Variants in OSBPL1A observed in about 807,000 individuals in gnomAD.
OSBPL1A encodes the protein oxysterol-binding protein-related protein 1.
Under a neutral mutation model 137.1 loss-of-function variants are expected in OSBPL1A, and 80 were observed. That is an observed-to-expected ratio of 0.58 (90% CI 0.49 to 0.70). The LOEUF is 0.70. Among genes scored for constraint, OSBPL1A ranks in the 30% least tolerant of loss-of-function variants. The pLI is 0.00. For synonymous variants in OSBPL1A, 365 were observed against 389.7 expected (o/e 0.94, Z 0.75); for missense variants, 970 against 1,129.4 (o/e 0.86, Z 2.02).
intron 23 of OSBPL1A, among the ~76,000 whole-genome samples, chr18:24,171,048 T>G (rs1267189019): frequency 6.6e-6 from 1 of 151,954 alleles, no homozygotes; most frequent in East Asian, 1.9e-4. Context: ...TTTTGTTTTT[T>G]TTTTTTTAGA....
At chr18:24,272,945 G>A (rs1376908219) in intron 15 of OSBPL1A, among the ~76,000 whole-genome samples, 3 of 151,878 alleles carry the variant, frequency 2.0e-5, no homozygotes, top group Admixed American at 1.3e-4. Flanking sequence ...TTGCTCTGTC[G>A]CCCAGGCTGG....
chr18:24,202,529 C>T (rs1017631560), intron 17 of OSBPL1A, among the ~76,000 whole-genome samples: 6 of 152,214 alleles, frequency 3.9e-5, no homozygotes, highest in African/African-American at 1.4e-4. Context: ...TATCCCAAGT[C>T]TAACATTGGT....
intron 15 of OSBPL1A, among the ~76,000 whole-genome samples, chr18:24,279,442 T>C (rs1251091976): frequency 6.6e-6 from 1 of 151,688 alleles, no homozygotes; most frequent in African/African-American, 2.4e-5. Flanking sequence ...AAAAAAATTG[T>C]ATATGAATTC....
rs1236865402 is a variant in OSBPL1A, at chr18:24,341,650, T to C, written c.291A>G (p.Val97=). The C allele has an allele frequency of 1.3e-6, 2 of 1,589,844 alleles. No individual in the cohort carries two copies. The highest frequency in any genetic ancestry group is 1.7e-4 in the Middle Eastern group (1 of 6,032). The part of the protein sequence containing the change: ...RAAFTGRKEL[V]MLLLEYNADT... ...CAGCATTATATTCTAAGAGAAGCAT[T>C]ACCAACTCCTAAAAATCAGAGAATT... is the stretch of plus-strand genomic sequence containing the variant. The change falls in exon 5 of 28, where the codon GTA becomes GTG. Residue 97 remains valine (V), a synonymous_variant. Coordinates refer to ENST00000319481, the MANE Select transcript of OSBPL1A (RefSeq NM_080597.4).
At chr18:24,254,045 C>G (rs1567978337) in intron 15 of OSBPL1A, among the ~76,000 whole-genome samples, 1 of 152,124 alleles carries the variant, frequency 6.6e-6, no homozygotes, top group Non-Finnish European at 1.5e-5. Context: ...CTGACCTATG[C>G]CCAGGAATGA....
At chr18:24,384,810 G>A (rs931852274) in intron 1 of OSBPL1A, among the ~76,000 whole-genome samples, 6 of 151,262 alleles carry the variant, frequency 4.0e-5, no homozygotes, top group African/African-American at 1.2e-4. Flanking sequence ...GCAGGCAGAG[G>A]TTGCAGTGAG....
chr18:24,356,613 A>T (rs2091540198), intron 4 of OSBPL1A, among the ~76,000 whole-genome samples: 1 of 152,164 alleles, frequency 6.6e-6, no homozygotes, highest in African/African-American at 2.4e-5. Context: ...TGGAATAGAC[A>T]CACTTAGTTG....
chr18:24,230,108 A>T (rs1679779063), intron 16 of OSBPL1A, among the ~76,000 whole-genome samples: 1 of 152,290 alleles, frequency 6.6e-6, no homozygotes, highest in African/African-American at 2.4e-5. Flanking sequence ...AAACATCAAA[A>T]TGTTAGTGGG....
intron 13 of OSBPL1A, among the ~76,000 whole-genome samples, chr18:24,308,895 A>C (rs1354712274): frequency 6.6e-6 from 1 of 151,728 alleles, no homozygotes; most frequent in Non-Finnish European, 1.5e-5. Flanking sequence ...CTCAGCCTCC[A>C]GAGTAGCTGG....
intron 18 of OSBPL1A, among the ~76,000 whole-genome samples, chr18:24,182,639 G>A (rs2086637096): frequency 6.6e-6 from 1 of 152,078 alleles, no homozygotes. Context: ...ATAAAATACT[G>A]CAGAAAACAG....
intron 15 of OSBPL1A, among the ~76,000 whole-genome samples, chr18:24,248,060 C>CTA (rs1424850228): frequency 6.6e-6 from 1 of 152,200 alleles, no homozygotes; most frequent in East Asian, 1.9e-4. Context: ...CACTAGTATA[C>CTA]AGCTGGCCTT....
chr18:24,167,570 C>T (rs1181790821), intron 24 of OSBPL1A, 125 bp from the exon 25 acceptor site: 7 of 772,270 alleles, frequency 9.1e-6, no homozygotes, highest in African/African-American at 3.5e-5. Context: ...AAGGTTATAG[C>T]GGAGCATGTA....
At chr18:24,360,078 C>G (rs1406485053) in intron 4 of OSBPL1A, among the ~76,000 whole-genome samples, 1 of 152,204 alleles carries the variant, frequency 6.6e-6, no homozygotes, top group Non-Finnish European at 1.5e-5. Flanking sequence ...AGTGATTCTC[C>G]TGCCTCAGCC....
At chr18:24,305,794 T>G (rs1026400798) in intron 13 of OSBPL1A, among the ~76,000 whole-genome samples, 1 of 152,148 alleles carries the variant, frequency 6.6e-6, no homozygotes, top group African/African-American at 2.4e-5. Context: ...TGTGCTGTTC[T>G]CATGATAGTG....
intron 20 of OSBPL1A, among the ~76,000 whole-genome samples, chr18:24,178,609 T>C (rs972627617): frequency 2.0e-5 from 3 of 152,124 alleles, no homozygotes; most frequent in African/African-American, 7.2e-5. Flanking sequence ...TTTATTCTCA[T>C]TGCAATGAAA....
chr18:24,379,856 G>A (rs1339278460), intron 1 of OSBPL1A, among the ~76,000 whole-genome samples: 2 of 152,112 alleles, frequency 1.3e-5, no homozygotes, highest in East Asian at 3.8e-4. Context: ...GGGAAACAGA[G>A]CAAGACACCG....
Position 24,179,795 on chromosome 18 carries a change from C to T in OSBPL1A, c.1853G>A (p.Trp618Ter). 6.2e-7 allele frequency: 1 copy of T among 1,614,156 alleles called. No homozygotes were observed. The highest frequency in any genetic ancestry group is 8.5e-7 in the Non-Finnish European group (1 of 1,180,024). ...AFAVSAVASQ[W>*]ERTGKPFNPL... ...GTTGAAAGGTTTTCCAGTCCGTTCC[C>T]ACTGAGAAGCAACAGCAGATACAGC... Residue 618 changes from tryptophan to a stop codon, truncating the protein, a stop_gained, in exon 20 of 28, where the codon TGG becomes TAG. Coordinates refer to ENST00000319481, the MANE Select transcript of OSBPL1A (RefSeq NM_080597.4). LOFTEE classifies it high-confidence loss of function.
At position 24,223,098 on chromosome 18, in the gene OSBPL1A, T is replaced by C. The variant is rs534718604; in HGVS notation, c.1601+1944A>G. On this transcript the variant is annotated intron_variant, in intron 17 of 27. Transcript: ENST00000319481. ...ATCCCCCAGGTCATGTAGCAACATATGCCTGTTTTTCTAAAACACAACCCA... is the reference window on the plus strand; with the variant it reads ...ATCCCCCAGGTCATGTAGCAACATACGCCTGTTTTTCTAAAACACAACCCA... Among the ~76,000 whole-genome samples, 5 of 152,252 alleles carry C rather than the reference T, an allele frequency of 3.3e-5. No individual in the cohort carries two copies. In the South Asian group the frequency reaches 1.0e-3, roughly 32 times the overall value.
intron 3 of OSBPL1A, chr18:24,367,876 T>A (rs1334909226): frequency 1.3e-5 from 2 of 152,732 alleles, no homozygotes; most frequent in Non-Finnish European, 2.9e-5. Flanking sequence ...TTAAGAAATA[T>A]GAGCTCTCAA....
Sources: allele counts gnomAD v4.1 joint callset (sites outside exome capture counted in the v4.1 genomes callset), GRCh38; gene constraint gnomAD v4.1.1; transcripts MANE v1.5; gene names NCBI Gene and HGNC (gene_info 2026-07-23, HGNC 2026-07-21).